The following VAMP4 variants were observed in gnomAD, a reference collection of about 807,000 sequenced individuals.
The protein encoded by VAMP4 is vesicle associated membrane protein 4, also known as vesicle-associated membrane protein 4.
Under a neutral mutation model 23.5 loss-of-function variants are expected in VAMP4, and 19 were observed. The ratio of observed to expected loss-of-function variants is 0.81; its 90% CI spans 0.56 to 1.19. The LOEUF is 1.19. Ranked by LOEUF, VAMP4 falls within the 50% of genes most tolerant of loss-of-function variation. VAMP4 has a pLI of 0.00. For missense variants in VAMP4, 145 were observed against 168.6 expected, an observed-to-expected ratio of 0.86 and a Z score of 0.78; for synonymous variants, 31 against 51.0, an observed-to-expected ratio of 0.61 and a Z score of 1.67.
Position 171,701,448 on chromosome 1 carries a change from T to C in VAMP4, c.*3058A>G, listed in dbSNP as rs1179817329. The C allele has an allele frequency of 6.6e-6, 1 of 152,220 alleles. No individual in the cohort carries two copies. The highest frequency in any genetic ancestry group is 1.5e-5 in the Non-Finnish European group (1 of 68,034). 9.4% of individuals were successfully genotyped at this position (152,220 alleles called of 1,614,324 possible). A position where few individuals can be genotyped will look rare whatever the true frequency, so the allele number is the denominator to read the frequency against. ...TGCTGACAAGGCATCAAGCATGTTT[T>C]AGAGTATACCGGCAATGAGAGATTT... On this transcript the variant is annotated 3_prime_UTR_variant, in exon 8 of 8. Coordinates refer to ENST00000236192, the MANE Select transcript of VAMP4 (RefSeq NM_003762.5).
chr1:171,722,136 C>T (rs1181619777), intron 3 of VAMP4, among the ~76,000 whole-genome samples: 2 of 151,914 alleles, frequency 1.3e-5, no homozygotes, highest in Non-Finnish European at 2.9e-5. Context: ...ACAAACCTGA[C>T]AAAAACAAGA....
intron 5 of VAMP4, 33 bp downstream of exon 5, chr1:171,710,681 T>G: frequency 2.0e-6 from 3 of 1,506,136 alleles, no homozygotes; most frequent in South Asian, 1.2e-5. Context: ...GCAAACAGAT[T>G]AGTAATATCA....
At chr1:171,733,724 C>T (rs6688447) in intron 2 of VAMP4, among the ~76,000 whole-genome samples, 53,057 of 151,904 alleles carry the variant, frequency 0.35, 9,698 homozygotes, top group African/African-American at 0.46. Flanking sequence ...CATACATTGC[C>T]GGTGAGAATG....
At chr1:171,718,216 A>G (rs1655080256) in intron 4 of VAMP4, among the ~76,000 whole-genome samples, 1 of 152,192 alleles carries the variant, frequency 6.6e-6, no homozygotes, top group African/African-American at 2.4e-5. Flanking sequence ...GAATTAGGCT[A>G]AGTATGGAAA....
Position 171,738,396 on chromosome 1 carries a change from G to C in VAMP4, c.19C>G (p.Arg7Gly), listed in dbSNP as rs535997142. ...GTGACATCATCATCATTGAGGTGGC[G>C]CTTAAACTTGGGAGGCATATTTTTT... is the stretch of plus-strand genomic sequence containing the variant. MPPKFK[R>G]HLNDDDVTGS... The change falls in exon 2 of 8, where the codon CGC becomes GGC. Residue 7 changes from arginine (R) to glycine (G), a missense_variant. Arg to Gly is a moderately radical substitution (Grantham distance 125). Coordinates refer to ENST00000236192, the MANE Select transcript of VAMP4 (RefSeq NM_003762.5). The C allele has an allele frequency of 6.2e-7, 1 of 1,613,962 alleles. No homozygotes were observed. Among genetic ancestry groups the C allele is most frequent in the African/African-American group, 1.3e-5 (1 of 74,888 alleles).
At chr1:171,708,347 A>G (rs1423109522) in intron 6 of VAMP4, among the ~76,000 whole-genome samples, 2 of 151,550 alleles carry the variant, frequency 1.3e-5, no homozygotes, top group African/African-American at 4.8e-5. Context: ...CAAAAAAAAA[A>G]AAAAAAAGAC....
At chr1:171,725,045 A>C (rs773142910) in intron 3 of VAMP4, among the ~76,000 whole-genome samples, 3 of 152,160 alleles carry the variant, frequency 2.0e-5, no homozygotes, top group Non-Finnish European at 4.4e-5. Context: ...GAACTTTTTC[A>C]TCTTTCAAAA....
chr1:171,714,783 GTTA>G (rs1247663512), intron 4 of VAMP4, among the ~76,000 whole-genome samples: 1 of 152,000 alleles, frequency 6.6e-6, no homozygotes, highest in Non-Finnish European at 1.5e-5. Context: ...GAAAAAAAAA[GTTA>G]TTATTATGCT....
chr1:171,713,773 C>T (rs1459878499), intron 4 of VAMP4, among the ~76,000 whole-genome samples: 2 of 152,102 alleles, frequency 1.3e-5, no homozygotes, highest in East Asian at 1.9e-4. Context: ...GGTTAAGGTG[C>T]AGTGAACTGT....
intron 3 of VAMP4, among the ~76,000 whole-genome samples, chr1:171,720,068 A>G (rs1655142149): frequency 6.6e-6 from 1 of 151,836 alleles, no homozygotes; most frequent in Non-Finnish European, 1.5e-5. Flanking sequence ...AACATAATGT[A>G]TAAGTGTGAA....
At chr1:171,736,586 T>A (rs896428412) in intron 2 of VAMP4, among the ~76,000 whole-genome samples, 1 of 152,146 alleles carries the variant, frequency 6.6e-6, no homozygotes, top group African/African-American at 2.4e-5. Context: ...GGTGACTCCT[T>A]AAAGTTTATT....
At chr1:171,741,253 T>C (rs527334609) in intron 1 of VAMP4, among the ~76,000 whole-genome samples, 82 of 152,340 alleles carry the variant, frequency 5.4e-4, no homozygotes, top group African/African-American at 1.9e-3. Flanking sequence ...GCTTTGAATC[T>C]GGGCAAAGGC....
intron 4 of VAMP4, among the ~76,000 whole-genome samples, chr1:171,714,280 AAT>A (rs1654957214): frequency 6.6e-6 from 1 of 152,210 alleles, no homozygotes; most frequent in South Asian, 2.1e-4. Context: ...ACATTTTCAC[AAT>A]AGTTATAGTC....
chr1:171,711,545 T>C (rs1654850569), intron 4 of VAMP4, among the ~76,000 whole-genome samples: 1 of 152,156 alleles, frequency 6.6e-6, no homozygotes. Context: ...GGCTGTTCAA[T>C]AAAGACTTAA....
intron 2 of VAMP4, 142 bp downstream of exon 2, chr1:171,738,207 A>G: frequency 1.2e-6 from 1 of 840,612 alleles, no homozygotes. Context: ...TCTGGGCTCA[A>G]GCTATTCTGC....
intron 2 of VAMP4, among the ~76,000 whole-genome samples, chr1:171,734,789 T>C (rs1655685182): frequency 3.3e-5 from 5 of 152,174 alleles, no homozygotes; most frequent in Admixed American, 3.3e-4. Context: ...TGGTGTCTAA[T>C]ATACTAATAA....
chr1:171,726,622 A>C (rs971814494), intron 3 of VAMP4, among the ~76,000 whole-genome samples: 2 of 152,194 alleles, frequency 1.3e-5, no homozygotes, highest in Non-Finnish European at 2.9e-5. Context: ...ATATTCCCCC[A>C]GTTTCATCCT....
chr1:171,723,662 A>G (rs1231133475), intron 3 of VAMP4, among the ~76,000 whole-genome samples: 2 of 152,218 alleles, frequency 1.3e-5, no homozygotes, highest in African/African-American at 2.4e-5. Context: ...TTAAACACAC[A>G]TGCTTTACAA....
chr1:171,720,276 CAA>C (rs1251575981), intron 3 of VAMP4, among the ~76,000 whole-genome samples: 6 of 151,332 alleles, frequency 4.0e-5, no homozygotes, highest in Admixed American at 2.0e-4. Flanking sequence ...AACCGAAAAA[CAA>C]AGAAAAGCAG....
Sources: allele counts gnomAD v4.1 joint callset (sites outside exome capture counted in the v4.1 genomes callset), GRCh38; gene constraint gnomAD v4.1.1; transcripts MANE v1.5; gene names NCBI Gene and HGNC (gene_info 2026-07-23, HGNC 2026-07-21).